Variants in EP400 observed in about 807,000 individuals in gnomAD.
EP400 encodes E1A binding protein p400, also known as E1A-binding protein p400.
Under a neutral mutation model 354.1 loss-of-function variants are expected in EP400, and 105 were observed. The ratio of observed to expected loss-of-function variants is 0.30; its 90% CI spans 0.25 to 0.35. The LOEUF (loss-of-function observed/expected upper bound fraction) is 0.35, where lower values mean the gene tolerates loss of function less well. Ranked by LOEUF, EP400 falls within the 10% of genes least tolerant of loss-of-function variation. EP400 has a pLI of 1.00. For synonymous variants in EP400, 1,646 were observed against 1,716.9 expected (o/e 0.96, Z 1.02); for missense variants, 3,280 against 4,121.0 (o/e 0.80, Z 5.59).
chr12:131,984,488 C>T (rs1042981258), intron 5 of EP400, among the ~76,000 whole-genome samples: 7 of 152,138 alleles, frequency 4.6e-5, no homozygotes, highest in African/African-American at 1.7e-4. Flanking sequence ...CTTGTACACC[C>T]ACTTTGAGAA....
At chr12:132,040,749 A>T (rs1261237439) in intron 32 of EP400, among the ~76,000 whole-genome samples, 1 of 152,214 alleles carries the variant, frequency 6.6e-6, no homozygotes, top group African/African-American at 2.4e-5. Context: ...TGTGGTCACC[A>T]CAGCAGACAG....
In EP400 at chr12:132,073,459, C is replaced by CTTTTTTTTTT. The variant is rs58724167; in HGVS notation, c.9022-3052_9022-3043dup. Among the ~76,000 whole-genome samples the CTTTTTTTTTT allele has an allele frequency of 2.6e-4, 31 of 117,696 alleles. 5 individuals carry two copies. Among genetic ancestry groups the CTTTTTTTTTT allele is most frequent in the African/African-American group, 9.7e-4 (22 of 22,642 alleles). 77.2% of individuals were successfully genotyped at this position (117,696 alleles called of 152,430 possible). On this transcript the variant is annotated intron_variant, in intron 51 of 52. Coordinates refer to ENST00000389561, the MANE Select transcript of EP400 (RefSeq NM_015409.5). ...GTGCGTTTTAATTCTGTCCCTTTTC[C>CTTTTTTTTTT]TTTTTTTTTTTTTTGACACAGTCTT...
chr12:132,063,553 T>C (rs1895778902), intron 47 of EP400, among the ~76,000 whole-genome samples: 1 of 152,228 alleles, frequency 6.6e-6, no homozygotes, highest in Admixed American at 6.5e-5. Context: ...AAATCATTAA[T>C]ACTTGTCATA....
Position 132,056,041 on chromosome 12 carries a change from C to T in EP400, c.7884+833C>T, listed in dbSNP as rs117703280. Among the ~76,000 whole-genome samples, 1,083 of 151,882 alleles carry T rather than the reference C, an allele frequency of 7.1e-3. 35 individuals are homozygous for T. The South Asian group carries it at 0.094, about 13-fold the overall frequency. ...ACGTGGAGACCCCAGGTGTGGGAAG[C>T]GGTAGGTGCAGCCCACCCAGGTGGA... On this transcript the variant is annotated intron_variant, in intron 45 of 52. Coordinates refer to ENST00000389561, the MANE Select transcript of EP400 (RefSeq NM_015409.5).
At chr12:132,032,255 G>A (rs1372793776) in intron 30 of EP400, 106 bp downstream of exon 30, 1 of 1,307,314 alleles carries the variant, frequency 7.6e-7, no homozygotes, top group Non-Finnish European at 1.0e-6. Context: ...GAGAAGCTTT[G>A]CAGGAGATAT....
chr12:132,006,728 A>G lies in EP400; in HGVS notation c.3155A>G (p.Tyr1052Cys). ...SVKFNAPSLL[Y>C]GALRDYQKIG... ...AAGTTTAATGCTCCATCTTTGTTGTATGGGGCTCTCAGAGATTATCAGAAG... is the reference window on the plus strand; with the variant it reads ...AAGTTTAATGCTCCATCTTTGTTGTGTGGGGCTCTCAGAGATTATCAGAAG... Residue 1052 changes from tyrosine (Y) to cysteine (C), a missense_variant, in exon 15 of 53, where the codon TAT (tyrosine) becomes TGT (cysteine). By Grantham distance (194) the Tyr-to-Cys change is radical (BLOSUM62 -2). Transcript: ENST00000389561. The G allele has an allele frequency of 1.2e-6, 2 of 1,609,762 alleles. No homozygotes were observed. The highest frequency in any genetic ancestry group is 1.7e-6 in the Non-Finnish European group (2 of 1,178,632).
chr12:131,967,685 G>A (rs1226006281), intron 2 of EP400, among the ~76,000 whole-genome samples: 1 of 150,592 alleles, frequency 6.6e-6, no homozygotes, highest in African/African-American at 2.4e-5. Context: ...GTGAGACTCT[G>A]TCTCAAAAAG....
rs545024725 is a variant in EP400, at chr12:131,986,035, C to T, written c.1930-479C>T. Among the ~76,000 whole-genome samples the T allele has an allele frequency of 2.0e-5, 3 of 152,290 alleles. No individual in the cohort carries two copies. The South Asian group carries it at 6.2e-4, about 32-fold the overall frequency. ...CGTTGCCCAGGCTGGAGTACAGTGG[C>T]ACAAACATGACTCACTGCAGTCTCA... is the stretch of plus-strand genomic sequence containing the variant. On this transcript the variant is annotated intron_variant, in intron 5 of 52. Transcript: ENST00000389561.
intron 7 of EP400, among the ~76,000 whole-genome samples, chr12:131,989,124 G>A (rs1253649911): frequency 6.6e-6 from 1 of 152,264 alleles, no homozygotes; most frequent in African/African-American, 2.4e-5. Flanking sequence ...TGGGCTGGAT[G>A]GGTGGGGGCT....
Position 131,961,823 on chromosome 12 carries a change from G to A in EP400, c.1204G>A (p.Asp402Asn). The change falls in exon 2 of 53, where the codon GAT becomes AAT. Residue 402 changes from aspartate (D) to asparagine (N), a missense_variant. Asp to Asn is a conservative substitution (Grantham distance 23). Around this residue, in one of 20 missense-constraint regions of EP400, gnomAD observed 85 missense variants for 180.3 expected, o/e 0.47. Coordinates refer to ENST00000389561, the MANE Select transcript of EP400 (RefSeq NM_015409.5). ...FLQHFQGNMM[D>N]FLAFKKKHYA... ...GCAACACTTTCAAGGGAACATGATG[G>A]ATTTCTTAGCTTTCAAGAAGAAACA... The A allele has an allele frequency of 6.2e-7, 1 of 1,614,180 alleles. No individual in the cohort carries two copies. The highest frequency in any genetic ancestry group is 8.5e-7 in the Non-Finnish European group (1 of 1,180,042).
intron 1 of EP400, among the ~76,000 whole-genome samples, chr12:131,950,356 G>C (rs947120623): frequency 2.6e-5 from 4 of 152,118 alleles, no homozygotes; most frequent in Non-Finnish European, 4.4e-5. Flanking sequence ...GCGGCGTTGC[G>C]GGAACCGGGG....
chr12:131,989,863 A>G lies in EP400; in HGVS notation c.2410-101A>G, dbSNP rs751116565. 14 of 1,354,596 alleles carry G rather than the reference A, an allele frequency of 1.0e-5. No homozygotes were observed. In the African/African-American group the frequency reaches 1.2e-4, roughly 11 times the overall value. 83.9% of individuals were successfully genotyped at this position (1,354,596 alleles called of 1,614,324 possible). On this transcript the variant is annotated intron_variant, in intron 7 of 52. Coordinates refer to ENST00000389561, the MANE Select transcript of EP400 (RefSeq NM_015409.5). ...GAGGATGTATATGACAGTGAATTGT[A>G]TGTAATTTTAGTCTGAGAAGATTTA...
At chr12:132,032,890 A>G (rs934072499) in intron 30 of EP400, among the ~76,000 whole-genome samples, 56 of 152,144 alleles carry the variant, frequency 3.7e-4, no homozygotes, top group Admixed American at 1.3e-4. Flanking sequence ...TGGCCTCCCA[A>G]AGTGCTGGGA....
intron 32 of EP400, 30 bp from the exon 33 acceptor site, chr12:132,043,274 C>T (rs1894975872): frequency 6.3e-7 from 1 of 1,591,150 alleles, no homozygotes; most frequent in East Asian, 2.2e-5. Context: ...AAAAGTCTAT[C>T]AAGGCAATCT....
intron 51 of EP400, among the ~76,000 whole-genome samples, chr12:132,074,250 G>A (rs1236868890): frequency 2.0e-5 from 3 of 152,124 alleles, no homozygotes; most frequent in African/African-American, 7.2e-5. Context: ...GTGCATTCAC[G>A]GTATCATTTC....
intron 45 of EP400, among the ~76,000 whole-genome samples, chr12:132,056,448 T>C (rs1362284969): frequency 2.1e-5 from 3 of 144,426 alleles, no homozygotes; most frequent in Non-Finnish European, 4.5e-5. Context: ...CACACACACA[T>C]TTTCAGTTGA....
At chr12:132,016,633 A>G (rs370677382) in intron 19 of EP400, among the ~76,000 whole-genome samples, 1 of 151,998 alleles carries the variant, frequency 6.6e-6, no homozygotes, top group Admixed American at 6.5e-5. Context: ...TGGCCTCCCA[A>G]AGTGCTGGGA....
intron 1 of EP400, among the ~76,000 whole-genome samples, chr12:131,955,272 A>T (rs1384950598): frequency 6.6e-6 from 1 of 151,124 alleles, no homozygotes; most frequent in Non-Finnish European, 1.5e-5. Context: ...TATAATTTAC[A>T]TATGGTAAAA....
In EP400 at chr12:131,990,601, G is replaced by A. The variant is rs770276368; in HGVS notation, c.2551-35G>A. On this transcript the variant is annotated intron_variant, in intron 8 of 52. Transcript: ENST00000389561. The surrounding 1 kb of genome is among the most constrained non-coding windows in gnomAD (Gnocchi z 4.2). ...AGAACGTCTGTAATTCCCATCCTTA[G>A]TAATGTGCTTATTCATTTAATCCTT... is the stretch of plus-strand genomic sequence containing the variant. 3.4e-6 allele frequency: 5 copies of A among 1,475,280 alleles called. No individual in the cohort carries two copies. In the East Asian group the frequency reaches 1.1e-4, roughly 33 times the overall value. The allele number at this position is 1,475,280 out of a possible 1,614,324, so 91.4% of individuals were successfully genotyped here.
Sources: allele counts gnomAD v4.1 joint callset (sites outside exome capture counted in the v4.1 genomes callset), GRCh38; gene constraint gnomAD v4.1.1; regional missense constraint gnomAD v4.1.1; non-coding constraint Gnocchi (gnomAD v3.1); transcripts MANE v1.5; gene names NCBI Gene and HGNC (gene_info 2026-07-23, HGNC 2026-07-21).